The following SART1 variants were observed in gnomAD, a reference collection of about 807,000 sequenced individuals.
SART1 encodes spliceosome associated factor 1, recruiter of U4/U6.U5 tri-snRNP.
In SART1, 28 loss-of-function variants were observed where a neutral mutation model predicts 105.0. That is an observed-to-expected ratio of 0.27 (90% confidence interval 0.20 to 0.37). The LOEUF (loss-of-function observed/expected upper bound fraction) is 0.37. SART1 is among the 10% of genes least tolerant of loss of function. SART1 has a pLI of 1.00. For synonymous variants in SART1, 472 were observed against 462.9 expected, an observed-to-expected ratio of 1.02 and a Z score of -0.25; for missense variants, 894 against 1,106.5, an observed-to-expected ratio of 0.81 and a Z score of 2.72.
chr11:65,978,835 G>T lies in SART1; in HGVS notation c.2305G>T (p.Val769Leu). 6.2e-7 allele frequency: 1 copy of T among 1,614,010 alleles called. No individual in the cohort carries two copies. Among genetic ancestry groups the T allele is most frequent in the Non-Finnish European group, 8.5e-7 (1 of 1,179,980 alleles). Residue 769 changes from valine to leucine, a missense_variant, in exon 19 of 20, where the codon GTG (valine) becomes TTG (leucine). Around this residue, in one of 2 missense-constraint regions of SART1, gnomAD observed 182 missense variants for 328.3 expected, o/e 0.55. Coordinates refer to ENST00000312397, the MANE Select transcript of SART1 (RefSeq NM_005146.5). This position sits in a 1 kb window ranked among gnomAD's most constrained non-coding sequence, Gnocchi z 6.8. Reference sequence around the variant, plus strand: ...CTCCAGCGACACGCCCCTGGGCACCGTGGCCCTGCTCCAGGAGAAGCAGAA... The same window carrying T: ...CTCCAGCGACACGCCCCTGGGCACCTTGGCCCTGCTCCAGGAGAAGCAGAA... Reference protein sequence around the residue: ...MSSSDTPLGTVALLQEKQKAQ... With the variant: ...MSSSDTPLGTLALLQEKQKAQ...
In SART1 at chr11:65,961,949, C is replaced by T. The variant is rs374728508; in HGVS notation, c.169C>T (p.Arg57Trp). The T allele has an allele frequency of 1.9e-4, 290 of 1,525,196 alleles. No homozygotes were observed. The highest frequency in any genetic ancestry group is 2.3e-4 in the Non-Finnish European group (260 of 1,137,066). 94.5% of individuals were successfully genotyped at this position (1,525,196 alleles called of 1,614,324 possible). A position where few individuals can be genotyped will look rare whatever the true frequency, so the allele number is the denominator to read the frequency against. Residue 57 changes from arginine to tryptophan, a missense_variant, in exon 1 of 20, where the codon CGG becomes TGG. Coordinates refer to ENST00000312397, the MANE Select transcript of SART1 (RefSeq NM_005146.5). The part of the protein sequence containing the change: ...GSGGERRKRS[R>W]ERGGERGSGR... ...CGGTGGCGAACGACGGAAGCGGAGC[C>T]GGGAACGTGGGGGCGAGCGCGGGAG...
Position 65,962,084 on chromosome 11 carries a change from T to C in SART1, c.304T>C (p.Tyr102His), listed in dbSNP as rs1292635537. ...GAAGCGGGAGAAGCGCGATGACGGC[T>C]ACGAGGCCGGTGAGGAGGCGGGGCC... ...RVKREKRDDG[Y>H]EAAASSKTSS... is the part of the protein sequence containing the mutation. The change falls in exon 1 of 20, where the codon TAC (tyrosine) becomes CAC (histidine). Residue 102 changes from tyrosine (Y) to histidine (H), a missense_variant. Coordinates refer to ENST00000312397, the MANE Select transcript of SART1 (RefSeq NM_005146.5). 8 of 1,183,054 alleles carry C rather than the reference T, an allele frequency of 6.8e-6. No homozygotes were observed. Among genetic ancestry groups the C allele is most frequent in the African/African-American group, 5.9e-5 (3 of 50,426 alleles). 73.3% of individuals were successfully genotyped at this position (1,183,054 alleles called of 1,614,324 possible). A position where few individuals can be genotyped will look rare whatever the true frequency, so the allele number is the denominator to read the frequency against.
In SART1 at chr11:65,964,521, C is replaced by A. The variant is rs1343846523; in HGVS notation, c.378C>A (p.Leu126=). The A allele has an allele frequency of 6.2e-7, 1 of 1,613,382 alleles. No homozygotes were observed. The highest frequency in any genetic ancestry group is 1.1e-5 in the South Asian group (1 of 90,942). The change falls in exon 3 of 20, where the codon CTC becomes CTA. Residue 126 remains leucine, a synonymous_variant. Transcript: ENST00000312397. ...TTGTATCTCTTGTTGTCAGCAAACT[C>A]CGGGCAAAGTTGGGGCTGAAACCCT... ...SSLSIEETNK[L]RAKLGLKPLE...
chr11:65,964,691 C>CTTCCGGCAAATAT, intron 3 of SART1, 121 bp downstream of exon 3: 5 of 1,005,882 alleles, frequency 5.0e-6, no homozygotes, highest in Non-Finnish European at 7.2e-6. Flanking sequence ...GCATATTTGC[C>CTTCCGGCAAATAT]GGAAGGCATG....
chr11:65,964,427 C>T, intron 2 of SART1, 88 bp from the exon 3 acceptor site: 2 of 1,490,712 alleles, frequency 1.3e-6, no homozygotes, highest in Non-Finnish European at 1.9e-6. Context: ...CACTCACTCC[C>T]ACCCTGTTTC....
chr11:65,973,354 C>T (rs530839286), intron 12 of SART1, among the ~76,000 whole-genome samples: 5 of 151,764 alleles, frequency 3.3e-5, no homozygotes, highest in African/African-American at 1.2e-4. Context: ...GGAAAATAGG[C>T]GAAAGATGTA....
chr11:65,962,434 A>G (rs1413450833), intron 1 of SART1, among the ~76,000 whole-genome samples: 1 of 152,236 alleles, frequency 6.6e-6, no homozygotes, highest in Non-Finnish European at 1.5e-5. Flanking sequence ...GTCTGGTACA[A>G]TCAGATTCTC....
chr11:65,962,094 G>A lies in SART1; in HGVS notation c.313+1G>A. The A allele has an allele frequency of 6.9e-7, 1 of 1,441,196 alleles. No homozygotes were observed. The highest frequency in any genetic ancestry group is 9.1e-7 in the Non-Finnish European group (1 of 1,099,332). The allele number at this position is 1,441,196 out of a possible 1,614,324, so 89.3% of individuals were successfully genotyped here. On this transcript the variant is annotated splice_donor_variant, in intron 1 of 19. Coordinates refer to ENST00000312397, the MANE Select transcript of SART1 (RefSeq NM_005146.5). LOFTEE classifies it high-confidence loss of function. ...AAGCGCGATGACGGCTACGAGGCCG[G>A]TGAGGAGGCGGGGCCTGCGCAGGGG... is the stretch of plus-strand genomic sequence containing the variant.
At chr11:65,977,151 A>G (rs1481241778) in intron 15 of SART1, 50 bp downstream of exon 15, 4 of 1,363,858 alleles carry the variant, frequency 2.9e-6, no homozygotes, top group African/African-American at 1.4e-5. Context: ...GTGCTGCTGC[A>G]GGTGCAGGCA....
At chr11:65,973,796 A>G (rs1051904220) in intron 12 of SART1, among the ~76,000 whole-genome samples, 3 of 152,252 alleles carry the variant, frequency 2.0e-5, no homozygotes, top group Admixed American at 6.5e-5. Flanking sequence ...GATGAGCTAC[A>G]GCCGTGTGCA....
Position 65,977,076 on chromosome 11 carries a change from T to C in SART1, c.1920T>C (p.Ala640=). The C allele has an allele frequency of 6.2e-7, 1 of 1,613,748 alleles. No homozygotes were observed. Among genetic ancestry groups the C allele is most frequent in the Non-Finnish European group, 8.5e-7 (1 of 1,179,768 alleles). The stretch of plus-strand genomic sequence containing the variant: ...CGATCGTGAATAGGGGGCTGGCAGC[T>C]GCCCTGCTCCTGTGTCAGAACAAAG... ...EEPIVNRGLA[A]ALLLCQNKGL... is the part of the protein sequence containing the mutation. Residue 640 remains alanine, a synonymous_variant, in exon 15 of 20, where the codon GCT becomes GCC. Coordinates refer to ENST00000312397, the MANE Select transcript of SART1 (RefSeq NM_005146.5).
intron 1 of SART1, among the ~76,000 whole-genome samples, chr11:65,962,743 G>A (rs1855171968): frequency 6.6e-6 from 1 of 152,208 alleles, no homozygotes; most frequent in Admixed American, 6.5e-5. Context: ...AGGAAACCAG[G>A]AGGGCTATAG....
In SART1 at chr11:65,976,043, T is replaced by C. The variant is rs1380836694; in HGVS notation, c.1573-352T>C. Among the ~76,000 whole-genome samples, 2 of 150,592 alleles carry C rather than the reference T, an allele frequency of 1.3e-5. No homozygotes were observed. Among genetic ancestry groups the C allele is most frequent in the Non-Finnish European group, 3.0e-5 (2 of 67,654 alleles). ...GCTGTCTAGAGTCCTGAAACCGGAG[T>C]TTGTCGGGGGAGGGGCAGGTGGCAG... On this transcript the variant is annotated intron_variant, in intron 12 of 19. Transcript: ENST00000312397. The surrounding 1 kb of genome is among the most constrained non-coding windows in gnomAD (Gnocchi z 5.1).
At chr11:65,965,016 G>C in intron 3 of SART1, 76 bp from the exon 4 acceptor site, 1 of 1,502,970 alleles carries the variant, frequency 6.7e-7, no homozygotes, top group Non-Finnish European at 8.9e-7. Context: ...AGCTGGAAGG[G>C]GGCAGGGTGA....
intron 5 of SART1, 29 bp downstream of exon 5, chr11:65,965,476 G>T (rs994804520): frequency 1.3e-6 from 2 of 1,540,022 alleles, no homozygotes; most frequent in Admixed American, 3.9e-5. Context: ...TGGGGTGGTC[G>T]CCTAGTGCTT....
rs1407745966 is a variant in SART1, at chr11:65,978,878, A to G, written c.2348A>G (p.Tyr783Cys). The change falls in exon 19 of 20, where the codon TAC becomes TGC. Residue 783 changes from tyrosine (Y) to cysteine (C), a missense_variant. Physicochemically the swap from Tyr to Cys is radical, Grantham distance 194. This residue lies in a region of SART1 where 182 missense variants were observed against 328.3 expected (regional missense o/e 0.55). Coordinates refer to ENST00000312397, the MANE Select transcript of SART1 (RefSeq NM_005146.5). This position sits in a 1 kb window ranked among gnomAD's most constrained non-coding sequence, Gnocchi z 6.8. The part of the protein sequence containing the change: ...QEKQKAQKTP[Y>C]IVLSGSGKSM... ...AAGCAGAAGGCTCAGAAGACCCCCT[A>G]CATCGTGCTCAGCGGCAGCGGCAAG... 1 of 1,613,938 alleles carries G rather than the reference A, an allele frequency of 6.2e-7. No individual in the cohort carries two copies. The highest frequency in any genetic ancestry group is 8.5e-7 in the Non-Finnish European group (1 of 1,179,940).
intron 5 of SART1, 118 bp downstream of exon 5, chr11:65,965,565 C>T (rs1855233283): frequency 6.8e-6 from 9 of 1,314,790 alleles, no homozygotes; most frequent in Admixed American, 4.3e-5. Flanking sequence ...GGGCCGTGGT[C>T]GGTAGCATCT....
At chr11:65,977,135 G>A (rs905260013) in intron 15 of SART1, 34 bp downstream of exon 15, 1 of 1,523,640 alleles carries the variant, frequency 6.6e-7, no homozygotes, top group African/African-American at 1.4e-5. Context: ...ACTTGGGTGG[G>A]CTTGGGTGCT....
intron 12 of SART1, among the ~76,000 whole-genome samples, chr11:65,972,093 A>G (rs1426911649): frequency 2.6e-5 from 4 of 152,106 alleles, no homozygotes; most frequent in Non-Finnish European, 5.9e-5. Flanking sequence ...CAATTCCTAG[A>G]TAGGACAATA....
Sources: allele counts gnomAD v4.1 joint callset (sites outside exome capture counted in the v4.1 genomes callset), GRCh38; gene constraint gnomAD v4.1.1; regional missense constraint gnomAD v4.1.1; non-coding constraint Gnocchi (gnomAD v3.1); transcripts MANE v1.5; gene names NCBI Gene and HGNC (gene_info 2026-07-23, HGNC 2026-07-21).